Variants in PTPRD observed in about 807,000 individuals in gnomAD.
The protein encoded by PTPRD is receptor-type tyrosine-protein phosphatase delta.
A neutral mutation model predicts 214.5 loss-of-function variants in PTPRD; 34 were observed. The ratio of observed to expected loss-of-function variants is 0.16; its 90% confidence interval spans 0.12 to 0.21. The LOEUF is 0.21. PTPRD is among the 10% of genes least tolerant of loss of function. The pLI, the probability that PTPRD is intolerant of heterozygous loss-of-function variation, is 1.00. For missense variants in PTPRD, 2,545 were observed against 2,398.7 expected (o/e 1.06, Z -1.27); for synonymous variants, 1,128 against 845.7 (o/e 1.33, Z -5.79).
At chr9:10,064,482 T>A (rs2097841408) in intron 3 of PTPRD, among the ~76,000 whole-genome samples, 1 of 152,018 alleles carries the variant, frequency 6.6e-6, no homozygotes. Context: ...TCTACTTTTC[T>A]CTTCCAGTGA....
intron 8 of PTPRD, among the ~76,000 whole-genome samples, chr9:9,471,194 T>C (rs2094562526): frequency 6.6e-6 from 1 of 152,200 alleles, no homozygotes; most frequent in African/African-American, 2.4e-5. Flanking sequence ...ATTCACAATT[T>C]GACTACATTT....
intron 12 of PTPRD, among the ~76,000 whole-genome samples, chr9:8,727,691 C>G (rs1418484047): frequency 6.6e-6 from 1 of 152,100 alleles, no homozygotes; most frequent in Non-Finnish European, 1.5e-5. Context: ...GAGTCTCTCT[C>G]TGTCACACGG....
intron 3 of PTPRD, among the ~76,000 whole-genome samples, chr9:10,246,049 G>GT (rs1400758795): frequency 1.3e-5 from 2 of 152,008 alleles, no homozygotes; most frequent in Non-Finnish European, 1.5e-5. Flanking sequence ...TCCCAAGAAT[G>GT]TTTTTTTCTT....
At chr9:10,082,255 G>C (rs1202643551) in intron 3 of PTPRD, among the ~76,000 whole-genome samples, 1 of 152,080 alleles carries the variant, frequency 6.6e-6, no homozygotes, top group Non-Finnish European at 1.5e-5. Flanking sequence ...TGATTAGTTG[G>C]TACAGGTTTA....
At chr9:10,600,964 C>A (rs1388615541) in intron 2 of PTPRD, among the ~76,000 whole-genome samples, 5 of 151,616 alleles carry the variant, frequency 3.3e-5, no homozygotes, top group Non-Finnish European at 7.4e-5. Flanking sequence ...CATAAGCTAA[C>A]TAAATTATTC....
chr9:10,572,872 C>CT (rs904151777), intron 2 of PTPRD, among the ~76,000 whole-genome samples: 5 of 151,856 alleles, frequency 3.3e-5, no homozygotes, highest in East Asian at 1.9e-4. Flanking sequence ...TGCCCCGTTT[C>CT]TTTTTTTTAT....
intron 4 of PTPRD, among the ~76,000 whole-genome samples, chr9:10,027,464 G>C (rs929939565): frequency 2.0e-5 from 3 of 152,160 alleles, no homozygotes; most frequent in African/African-American, 7.2e-5. Context: ...TTTTGGGTCT[G>C]CTAAGTTTCT....
intron 4 of PTPRD, among the ~76,000 whole-genome samples, chr9:9,992,631 T>C (rs1244191537): frequency 6.6e-6 from 1 of 152,104 alleles, no homozygotes; most frequent in Non-Finnish European, 1.5e-5. Context: ...TAAAAAAGGA[T>C]GAGTTCATGT....
At chr9:9,041,396 T>C (rs895607253) in intron 10 of PTPRD, among the ~76,000 whole-genome samples, 6 of 152,110 alleles carry the variant, frequency 3.9e-5, no homozygotes, top group African/African-American at 1.4e-4. Context: ...CTCCAGTGTG[T>C]GTTGTTCCCC....
intron 7 of PTPRD, among the ~76,000 whole-genome samples, chr9:9,623,755 T>C (rs2095326227): frequency 6.6e-6 from 1 of 152,180 alleles, no homozygotes; most frequent in African/African-American, 2.4e-5. Context: ...ATACTAAAGC[T>C]TGAAAAGCAT....
At chr9:9,147,332 A>C (rs1455769376) in intron 10 of PTPRD, among the ~76,000 whole-genome samples, 1 of 144,140 alleles carries the variant, frequency 6.9e-6, no homozygotes, top group South Asian at 2.2e-4. Context: ...GGGGTGGGGG[A>C]GGGGATTAAT....
chr9:10,282,267 T>C (rs957610049), intron 3 of PTPRD, among the ~76,000 whole-genome samples: 1 of 152,160 alleles, frequency 6.6e-6, no homozygotes, highest in Admixed American at 6.5e-5. Flanking sequence ...TTAATTGACA[T>C]AGCACAGTGT....
rs568012837 is a variant in PTPRD, at chr9:10,467,154, A to C, written c.-599-126137T>G. On this transcript the variant is annotated intron_variant, in intron 2 of 45. Transcript: ENST00000381196. ...AGAAGTTTCTAGTCTATCAATGTTA[A>C]CAGAGTACAGTGAGAAGAGTATACA... Among the ~76,000 whole-genome samples the C allele has an allele frequency of 3.3e-5, 5 of 152,310 alleles. No homozygotes were observed. The South Asian group carries it at 8.3e-4, about 25-fold the overall frequency.
Position 8,314,685 on chromosome 9 carries a change from G to A in PTPRD, c.*3189C>T, listed in dbSNP as rs1820902847. 4 of 231,974 alleles carry A rather than the reference G, an allele frequency of 1.7e-5. No individual in the cohort carries two copies. Among genetic ancestry groups the A allele is most frequent in the Admixed American group, 5.6e-5 (1 of 17,706 alleles). 14.4% of individuals were successfully genotyped at this position (231,974 alleles called of 1,614,324 possible). On this transcript the variant is annotated 3_prime_UTR_variant, in exon 46 of 46. Transcript: ENST00000381196. Reference sequence around the variant, plus strand: ...AAATAAAAGGACTTAAAGCAAAACCGAAAATAAACAGGAAAGAAAAAAAAT... The same window carrying A: ...AAATAAAAGGACTTAAAGCAAAACCAAAAATAAACAGGAAAGAAAAAAAAT...
intron 14 of PTPRD, among the ~76,000 whole-genome samples, chr9:8,551,226 A>G (rs1239872922): frequency 6.6e-6 from 1 of 152,248 alleles, no homozygotes. Flanking sequence ...CCCATGACCC[A>G]TAGCACAAAC....
chr9:9,139,535 G>A (rs1020999677), intron 10 of PTPRD, among the ~76,000 whole-genome samples: 21 of 152,122 alleles, frequency 1.4e-4, no homozygotes, highest in African/African-American at 1.7e-4. Flanking sequence ...CACATGCTCT[G>A]TGATACCGCG....
intron 39 of PTPRD, among the ~76,000 whole-genome samples, chr9:8,351,790 G>A (rs2075563209): frequency 7.1e-6 from 1 of 140,088 alleles, no homozygotes; most frequent in African/African-American, 2.7e-5. Context: ...TTAGGGAGAT[G>A]ACCCAGAGCC....
At chr9:9,913,823 T>TCCACCTC (rs1476056019) in intron 5 of PTPRD, among the ~76,000 whole-genome samples, 3 of 152,092 alleles carry the variant, frequency 2.0e-5, no homozygotes, top group Admixed American at 6.6e-5. Flanking sequence ...ACTCTCTCCC[T>TCCACCTC]CCACCTCCCA....
intron 3 of PTPRD, among the ~76,000 whole-genome samples, chr9:10,205,501 A>G (rs569272506): frequency 2.0e-5 from 3 of 151,812 alleles, no homozygotes; most frequent in African/African-American, 7.2e-5. Flanking sequence ...CACCTCCCAG[A>G]TTCAAGTGAT....
Sources: gnomAD v4.1 joint callset for allele counts (sites outside exome capture counted in the v4.1 genomes callset) on GRCh38, gnomAD v4.1.1 for gene constraint, MANE v1.5 for transcripts, NCBI Gene and HGNC (gene_info 2026-07-23, HGNC 2026-07-21) for gene names.